The following BLNK variants were observed in gnomAD, a reference collection of about 807,000 sequenced individuals.
The protein encoded by BLNK is B-cell linker protein.
BLNK carries 29 observed loss-of-function variants against 73.5 expected under a neutral mutation model. The ratio of observed to expected loss-of-function variants is 0.39; its 90% CI spans 0.29 to 0.54. The LOEUF (loss-of-function observed/expected upper bound fraction) is 0.54, where lower values mean the gene tolerates loss of function less well. Ranked by LOEUF, BLNK falls within the 20% of genes least tolerant of loss-of-function variation. The pLI is 0.61. For missense variants in BLNK, 460 were observed against 562.8 expected, an observed-to-expected ratio of 0.82 and a Z score of 1.85; for synonymous variants, 176 against 200.8, an observed-to-expected ratio of 0.88 and a Z score of 1.04.
At chr10:96,199,357 TTTTG>T (rs112983493) in intron 15 of BLNK, 14,025 of 252,214 alleles carry the variant, frequency 0.056, 675 homozygotes, top group East Asian at 0.12. Context: ...TCCAGGTATT[TTTTG>T]TTTGTTTGTT....
intron 2 of BLNK, among the ~76,000 whole-genome samples, chr10:96,244,594 C>T (rs782070802): frequency 9.2e-5 from 14 of 152,270 alleles, no homozygotes; most frequent in East Asian, 1.9e-4. Context: ...GTGCTTCCTC[C>T]GTTCAGGGTA....
rs17111497 is a variant in BLNK, at chr10:96,238,212, T to G, written c.163+4523A>C. Among the ~76,000 whole-genome samples, 4,296 of 152,298 alleles carry G rather than the reference T, an allele frequency of 0.028. 416 individuals carry two copies. In the East Asian group the frequency reaches 0.38, roughly 13 times the overall value. ...TCTTTGTGTAATTCAAGCTTTGTCC[T>G]TCTGTACTCTAACTAGGGAAGAGGG... On this transcript the variant is annotated intron_variant, in intron 3 of 16. Transcript: ENST00000224337.
intron 3 of BLNK, chr10:96,239,161 G>C (rs182391239): frequency 2.5e-6 from 1 of 398,688 alleles, no homozygotes; most frequent in East Asian, 3.6e-5. Flanking sequence ...AAGGGAGCAG[G>C]TGTCTGAGGA....
rs1389004539 is a variant in BLNK, at chr10:96,191,531, C to A, written c.*442G>T. ...CAGATATCATACATTACCTTTAATA[C>A]CTTATTTTCTACAAATTAAAATTTT... is the stretch of plus-strand genomic sequence containing the variant. On this transcript the variant is annotated 3_prime_UTR_variant, in exon 17 of 17. Coordinates refer to ENST00000224337, the MANE Select transcript of BLNK (RefSeq NM_013314.4). 2.6e-5 allele frequency among the ~76,000 whole-genome samples: 4 copies of A among 151,998 alleles called. No individual in the cohort carries two copies. The highest frequency in any genetic ancestry group is 9.7e-5 in the African/African-American group (4 of 41,384).
At chr10:96,199,496 G>C (rs370338422) in intron 15 of BLNK, 2 of 462,064 alleles carry the variant, frequency 4.3e-6, no homozygotes, top group South Asian at 3.1e-5. Context: ...GAGCTTTCTC[G>C]TCTCCCACTG....
chr10:96,226,889 C>A (rs1842291373), intron 5 of BLNK, among the ~76,000 whole-genome samples: 1 of 151,856 alleles, frequency 6.6e-6, no homozygotes, highest in Non-Finnish European at 1.5e-5. Context: ...GTCCATTTAA[C>A]CCATGAGGCT....
intron 8 of BLNK, among the ~76,000 whole-genome samples, chr10:96,214,768 A>T (rs1163531085): frequency 1.3e-5 from 2 of 152,134 alleles, no homozygotes; most frequent in African/African-American, 4.8e-5. Flanking sequence ...AGAAGTGAAA[A>T]ATCATTCTCT....
chr10:96,214,237 C>T (rs933278270), intron 8 of BLNK, among the ~76,000 whole-genome samples: 6 of 152,152 alleles, frequency 3.9e-5, no homozygotes, highest in South Asian at 4.1e-4. Context: ...GGAGAGCAGG[C>T]TCCTACACCT....
At chr10:96,265,289 T>G (rs1843952416) in intron 1 of BLNK, among the ~76,000 whole-genome samples, 1 of 152,078 alleles carries the variant, frequency 6.6e-6, no homozygotes, top group South Asian at 2.1e-4. Context: ...CAGCCAGAAT[T>G]TGGCCATTGG....
rs1199533407 is a variant in BLNK, at chr10:96,239,197, C to G, written c.163+3538G>C. 18 of 398,472 alleles carry G rather than the reference C, an allele frequency of 4.5e-5. No homozygotes were observed. The Admixed American group carries it at 6.2e-4, about 14-fold the overall frequency. 24.7% of individuals were successfully genotyped at this position (398,472 alleles called of 1,614,324 possible). A position where few individuals can be genotyped will look rare whatever the true frequency, so the allele number is the denominator to read the frequency against. On this transcript the variant is annotated intron_variant, in intron 3 of 16. Coordinates refer to ENST00000224337, the MANE Select transcript of BLNK (RefSeq NM_013314.4). ...CAAAAAAGAGAACACTTCAGAGCAT[C>G]AGGGATATTGGAAGATGTGAATGCC...
At chr10:96,269,419 AAC>A (rs781839774) in intron 1 of BLNK, among the ~76,000 whole-genome samples, 143 of 141,632 alleles carry the variant, frequency 1.0e-3, no homozygotes, top group African/African-American at 3.9e-3. Context: ...TATGTCTGAA[AAC>A]AAAAAAAAAA....
At chr10:96,218,014 G>A (rs2084108285) in intron 6 of BLNK, among the ~76,000 whole-genome samples, 1 of 152,184 alleles carries the variant, frequency 6.6e-6, no homozygotes, top group South Asian at 2.1e-4. Context: ...TCTTTTGCCT[G>A]TGGATACATC....
chr10:96,223,724 G>A, intron 6 of BLNK, 102 bp downstream of exon 6: 1 of 1,391,912 alleles, frequency 7.2e-7, no homozygotes, highest in Non-Finnish European at 1.0e-6. Context: ...GCAGTCAATA[G>A]CAGGTTGTAA....
chr10:96,258,059 T>TC (rs138168833), intron 1 of BLNK, among the ~76,000 whole-genome samples: 3,046 of 152,232 alleles, frequency 0.02, 89 homozygotes, highest in African/African-American at 0.067. Flanking sequence ...TGACAACTTC[T>TC]CCCCCTCCAC....
intron 3 of BLNK, among the ~76,000 whole-genome samples, chr10:96,240,261 A>G (rs782183976): frequency 2.8e-4 from 42 of 152,236 alleles, no homozygotes; most frequent in Non-Finnish European, 5.3e-4. Flanking sequence ...ACAGTCACAC[A>G]GGACACACTC....
chr10:96,208,114 A>G (rs1554897895), intron 9 of BLNK, among the ~76,000 whole-genome samples: 1 of 152,128 alleles, frequency 6.6e-6, no homozygotes, highest in African/African-American at 2.4e-5. Context: ...GAAGGGGTCA[A>G]CTGGGGATAA....
At chr10:96,263,889 A>C (rs545669374) in intron 1 of BLNK, among the ~76,000 whole-genome samples, 1 of 152,322 alleles carries the variant, frequency 6.6e-6, no homozygotes, top group South Asian at 2.1e-4. Context: ...GCTTCCCTAC[A>C]GCTGTGCTGG....
At position 96,233,551 on chromosome 10, in the gene BLNK, A is replaced by G. The variant is rs941892730; in HGVS notation, c.164-2717T>C. On this transcript the variant is annotated intron_variant, in intron 3 of 16. Coordinates refer to ENST00000224337, the MANE Select transcript of BLNK (RefSeq NM_013314.4). ...TCCCACGCTCACTAACAGTAACACC[A>G]GACAGCTTCCTCCTCCCGTTGTGCA... Among the ~76,000 whole-genome samples, 43 of 152,300 alleles carry G rather than the reference A, an allele frequency of 2.8e-4. 3 individuals carry two copies. Among genetic ancestry groups the G allele is most frequent in the African/African-American group, 8.7e-4 (36 of 41,552 alleles).
rs587731295 is a variant in BLNK at position 96,208,002 on chromosome 10, G to A, written c.747-103C>T. The A allele has an allele frequency of 3.8e-4, 477 of 1,245,752 alleles. 2 individuals carry two copies. Among genetic ancestry groups the A allele is most frequent in the Non-Finnish European group, 5.3e-4 (450 of 849,848 alleles). 77.2% of individuals were successfully genotyped at this position (1,245,752 alleles called of 1,614,324 possible). A position where few individuals can be genotyped will look rare whatever the true frequency, so the allele number is the denominator to read the frequency against. On this transcript the variant is annotated intron_variant, in intron 9 of 16. Transcript: ENST00000224337. The stretch of plus-strand genomic sequence containing the variant: ...AAATTTAAGCTAGAATTATGAAAGC[G>A]ATACAAGTGTGTAGAAGACTATCCT...
Sources: allele counts gnomAD v4.1 joint callset (sites outside exome capture counted in the v4.1 genomes callset), GRCh38; gene constraint gnomAD v4.1.1; transcripts MANE v1.5; gene names NCBI Gene and HGNC (gene_info 2026-07-23, HGNC 2026-07-21).